The following TRIM9 variants were observed in gnomAD, a reference collection of about 807,000 sequenced individuals.
The protein encoded by TRIM9 is tripartite motif containing 9, also known as E3 ubiquitin-protein ligase TRIM9.
TRIM9 carries 26 observed loss-of-function variants against 78.3 expected under a neutral mutation model. The ratio of observed to expected loss-of-function variants is 0.33; its 90% CI spans 0.24 to 0.46. The LOEUF is 0.46. TRIM9 is among the 20% of genes least tolerant of loss of function. The probability of loss-of-function intolerance (pLI) is 1.00; values close to 1 mark genes in which losing one functional copy is unlikely to be tolerated. For missense variants in TRIM9, 787 were observed against 1,036.4 expected (o/e 0.76, Z 3.30); for synonymous variants, 398 against 416.5 (o/e 0.96, Z 0.54).
rs5808588 is a variant in TRIM9 at position 51,021,992 on chromosome 14, A to AT, written c.1041+842dup. 4.4e-3 allele frequency among the ~76,000 whole-genome samples: 669 copies of AT among 151,978 alleles called. 2 individuals are homozygous for AT. Among genetic ancestry groups the AT allele is most frequent in the African/African-American group, 0.015 (639 of 41,440 alleles). ...ATTCTATTTTTCAATTCAAAAACAC[A>AT]TTTTTTTGCCTGTGTATGGCCACCC... On this transcript the variant is annotated intron_variant, in intron 3 of 12. Coordinates refer to ENST00000684578, the MANE Select transcript of TRIM9 (RefSeq NM_001387360.1).
At chr14:50,982,799 A>G (rs2052141559) in intron 10 of TRIM9, 143 bp downstream of exon 10, 1 of 713,072 alleles carries the variant, frequency 1.4e-6, no homozygotes, top group Non-Finnish European at 2.3e-6. Flanking sequence ...ATGTCTTTGT[A>G]CGCATTGTTA....
chr14:50,982,341 C>T (rs900364992), intron 10 of TRIM9: 3 of 558,914 alleles, frequency 5.4e-6, no homozygotes, highest in African/African-American at 1.9e-5. Flanking sequence ...GACTGCACTC[C>T]CAACCAGGTG....
At chr14:50,978,831 A>G (rs1171689246) in intron 12 of TRIM9, 1 of 897,442 alleles carries the variant, frequency 1.1e-6, no homozygotes, top group African/African-American at 1.8e-5. Context: ...AAGGCATTCT[A>G]TAGATATTTG....
intron 5 of TRIM9, among the ~76,000 whole-genome samples, chr14:51,002,397 G>A (rs2055195562): frequency 6.6e-6 from 1 of 152,012 alleles, no homozygotes; most frequent in Non-Finnish European, 1.5e-5. Context: ...GCCTCCCAAA[G>A]TGCTGGGATT....
chr14:51,028,595 C>T (rs2058458503), intron 1 of TRIM9, among the ~76,000 whole-genome samples: 1 of 152,236 alleles, frequency 6.6e-6, no homozygotes, highest in Admixed American at 6.5e-5. Flanking sequence ...GTGTTTTCAT[C>T]ACGGCATCTT....
At chr14:51,022,341 T>C (rs973004717) in intron 3 of TRIM9, among the ~76,000 whole-genome samples, 2 of 152,178 alleles carry the variant, frequency 1.3e-5, no homozygotes, top group African/African-American at 4.8e-5. Flanking sequence ...TTTCCCATGC[T>C]CGCCTGTCCT....
At chr14:51,051,638 T>C (rs2060433325) in intron 1 of TRIM9, among the ~76,000 whole-genome samples, 1 of 152,050 alleles carries the variant, frequency 6.6e-6, no homozygotes, top group African/African-American at 2.4e-5. Context: ...TAAACTGAGA[T>C]TGATAGTGAG....
chr14:51,071,170 A>G (rs2062200228), intron 1 of TRIM9, among the ~76,000 whole-genome samples: 1 of 152,020 alleles, frequency 6.6e-6, no homozygotes, highest in African/African-American at 2.4e-5. Context: ...TGAGGTCAGG[A>G]GTTCAAAACC....
At chr14:51,066,077 GA>G (rs1183500486) in intron 1 of TRIM9, among the ~76,000 whole-genome samples, 22 of 126,504 alleles carry the variant, frequency 1.7e-4, no homozygotes, top group East Asian at 4.9e-4. Flanking sequence ...AGGAAGGAAG[GA>G]AGGAAGGAAG....
chr14:51,002,191 G>A (rs907113069), intron 5 of TRIM9, among the ~76,000 whole-genome samples: 1 of 151,986 alleles, frequency 6.6e-6, no homozygotes, highest in East Asian at 1.9e-4. Context: ...GCACGATCTC[G>A]GCTCACTGCA....
chr14:51,009,206 G>A lies in TRIM9; in HGVS notation c.1180C>T (p.His394Tyr), dbSNP rs755238977. 5 of 1,613,942 alleles carry A rather than the reference G, an allele frequency of 3.1e-6. No individual in the cohort carries two copies. The South Asian group carries it at 4.4e-5, about 14-fold the overall frequency. Residue 394 changes from histidine (H) to tyrosine (Y), a missense_variant, in exon 5 of 13, where the codon CAC becomes TAC. Coordinates refer to ENST00000684578, the MANE Select transcript of TRIM9 (RefSeq NM_001387360.1). Reference sequence around the variant, plus strand: ...TTACCCCACTGATCCTCAGTCAGGTGCACTCTTCTTATGAGGGCGTCAGAA... The same window carrying A: ...TTACCCCACTGATCCTCAGTCAGGTACACTCTTCTTATGAGGGCGTCAGAA... ...QISDALIRRV[H>Y]LTEDQWGKGT...
intron 10 of TRIM9, chr14:50,982,391 TC>T: frequency 2.1e-6 from 1 of 473,732 alleles, no homozygotes; most frequent in South Asian, 2.3e-5. Flanking sequence ...AAGGTGCAAG[TC>T]CCTTCACCTG....
chr14:51,082,637 A>T (rs2063405165), intron 1 of TRIM9, among the ~76,000 whole-genome samples: 1 of 152,170 alleles, frequency 6.6e-6, no homozygotes, highest in Non-Finnish European at 1.5e-5. Context: ...TTAATAGTTG[A>T]GGTTTCTTTT....
chr14:50,990,617 A>C (rs545070549), intron 7 of TRIM9, among the ~76,000 whole-genome samples: 387 of 152,344 alleles, frequency 2.5e-3, no homozygotes, highest in Middle Eastern at 0.014. Context: ...AAAAGCAAAC[A>C]GATTGTGGTT....
Position 51,000,129 on chromosome 14 carries a change from C to T in TRIM9, c.1464+554G>A, listed in dbSNP as rs1199237675. ...GGGAAGCTATAACAGGAGACCATGT[C>T]AATTAAGAGGAATGCCAATCAAAGA... On this transcript the variant is annotated intron_variant, in intron 6 of 12. Coordinates refer to ENST00000684578, the MANE Select transcript of TRIM9 (RefSeq NM_001387360.1). 5.9e-5 allele frequency among the ~76,000 whole-genome samples: 9 copies of T among 152,094 alleles called. No homozygotes were observed. The East Asian group carries it at 1.7e-3, about 29-fold the overall frequency.
intron 1 of TRIM9, chr14:51,089,295 T>C (rs148434418): frequency 7.2e-5 from 11 of 152,244 alleles, no homozygotes; most frequent in Non-Finnish European, 1.3e-4. Flanking sequence ...TTTATCTTGT[T>C]ATAGGTTCTT....
intron 1 of TRIM9, among the ~76,000 whole-genome samples, chr14:51,033,429 C>CATAATATTTTAATATTATGTATTATAA (rs2058895430): frequency 6.6e-6 from 1 of 152,188 alleles, no homozygotes; most frequent in South Asian, 2.1e-4. Context: ...TTAAAATATA[C>CATAATATTTTAATATTATGTATTATAA]ATACATAAAT....
intron 1 of TRIM9, among the ~76,000 whole-genome samples, chr14:51,036,285 C>T (rs903937014): frequency 6.6e-6 from 1 of 152,214 alleles, no homozygotes; most frequent in African/African-American, 2.4e-5. Flanking sequence ...GCAAACACTA[C>T]AAATAAGAAT....
intron 1 of TRIM9, among the ~76,000 whole-genome samples, chr14:51,057,394 G>C (rs1459965095): frequency 6.6e-6 from 1 of 152,134 alleles, no homozygotes; most frequent in East Asian, 1.9e-4. Context: ...CTTCAAGAAG[G>C]TTATAATGGA....
Sources: allele counts gnomAD v4.1 joint callset (sites outside exome capture counted in the v4.1 genomes callset), GRCh38; gene constraint gnomAD v4.1.1; transcripts MANE v1.5; gene names NCBI Gene and HGNC (gene_info 2026-07-23, HGNC 2026-07-21).